Variants in CCDC57 observed in about 807,000 individuals in gnomAD.
The protein encoded by CCDC57 is coiled-coil domain-containing protein 57.
In CCDC57, 118 loss-of-function variants were observed where a neutral mutation model predicts 118.9. That is an observed-to-expected ratio of 0.99 (90% CI 0.86 to 1.16). The LOEUF (loss-of-function observed/expected upper bound fraction) is 1.16, where lower values mean the gene tolerates loss of function less well. CCDC57 is among the 50% of genes most tolerant of loss of function. The pLI is 0.00. For synonymous variants in CCDC57, 527 were observed against 532.9 expected (o/e 0.99, Z 0.15); for missense variants, 1,300 against 1,320.7 (o/e 0.98, Z 0.24).
At chr17:82,119,131 G>A (rs1225677258) in intron 19 of CCDC57, among the ~76,000 whole-genome samples, 2 of 1,688 alleles carry the variant, frequency 1.2e-3, no homozygotes, top group Non-Finnish European at 2.6e-3. Flanking sequence ...CAGGGGTGGG[G>A]GTGGGGGTGG....
chr17:82,146,096 C>A (rs2145680130), intron 16 of CCDC57, among the ~76,000 whole-genome samples: 1 of 152,336 alleles, frequency 6.6e-6, no homozygotes, highest in Non-Finnish European at 1.5e-5. Flanking sequence ...CAGGTGACCC[C>A]TGGGCCACCG....
intron 19 of CCDC57, among the ~76,000 whole-genome samples, chr17:82,120,472 G>A (rs2036529010): frequency 6.6e-6 from 1 of 152,250 alleles, no homozygotes; most frequent in Non-Finnish European, 1.5e-5. Context: ...GTGCACTGGA[G>A]GGCGCAGTGT....
At chr17:82,194,042 T>G in exon 6 of CCDC57, 1 of 1,613,720 alleles carries the variant, frequency 6.2e-7, no homozygotes, top group Non-Finnish European at 8.5e-7. Context: ...GAGCTTCCTC[T>G]CCAGCTCGGC....
At chr17:82,142,460 G>A (rs942750581) in intron 16 of CCDC57, among the ~76,000 whole-genome samples, 7 of 152,050 alleles carry the variant, frequency 4.6e-5, no homozygotes, top group Admixed American at 3.9e-4. Context: ...CTATAGGCGC[G>A]CAACACCAAG....
chr17:82,195,236 T>C, intron 5 of CCDC57, 27 bp downstream of exon 4: 1 of 1,540,242 alleles, frequency 6.5e-7, no homozygotes, highest in Non-Finnish European at 8.8e-7. Flanking sequence ...CGAAAAACCT[T>C]CACGACCCAA....
chr17:82,114,564 G>A (rs1036545047), intron 19 of CCDC57, among the ~76,000 whole-genome samples: 6 of 152,198 alleles, frequency 3.9e-5, no homozygotes, highest in Non-Finnish European at 8.8e-5. Flanking sequence ...GGCGCCCACT[G>A]GCTCCTGAAT....
chr17:82,127,488 C>T, intron 19 of CCDC57: 1 of 985,456 alleles, frequency 1.0e-6, no homozygotes, highest in Non-Finnish European at 1.2e-6. Context: ...ATGGTTTCTG[C>T]CCTTCAGGGC....
intron 2 of CCDC57, among the ~76,000 whole-genome samples, chr17:82,202,370 A>T (rs1313520564): frequency 6.6e-6 from 1 of 151,960 alleles, no homozygotes; most frequent in Non-Finnish European, 1.5e-5. Context: ...CGGGAGGCTG[A>T]GGCAGGAGAA....
chr17:82,187,883 A>G (rs188084329), intron 8 of CCDC57, among the ~76,000 whole-genome samples: 32 of 151,758 alleles, frequency 2.1e-4, no homozygotes, highest in African/African-American at 7.5e-4. Context: ...TCTGGAGATG[A>G]CAGTGGTGAT....
intron 3 of CCDC57, among the ~76,000 whole-genome samples, chr17:82,200,656 G>A (rs894843694): frequency 6.6e-6 from 1 of 152,026 alleles, no homozygotes; most frequent in Non-Finnish European, 1.5e-5. Context: ...AGCCGGGCGT[G>A]GTGGTGGGCA....
intron 19 of CCDC57, among the ~76,000 whole-genome samples, chr17:82,120,437 C>T (rs938336694): frequency 1.3e-5 from 2 of 152,218 alleles, no homozygotes; most frequent in Non-Finnish European, 1.5e-5. Context: ...GAGCGACTGC[C>T]GAGCTGCGCT....
intron 1 of CCDC57, among the ~76,000 whole-genome samples, chr17:82,209,099 C>T (rs966513438): frequency 3.9e-5 from 6 of 152,108 alleles, no homozygotes; most frequent in Admixed American, 3.9e-4. Flanking sequence ...TTTTCACTTC[C>T]TCCACTGACT....
chr17:82,129,282 T>G (rs547066701), intron 17 of CCDC57, among the ~76,000 whole-genome samples: 21 of 152,014 alleles, frequency 1.4e-4, no homozygotes, highest in Admixed American at 3.9e-4. Flanking sequence ...GTCTCCCCCC[T>G]TCTGGAGGGA....
intron 19 of CCDC57, among the ~76,000 whole-genome samples, chr17:82,103,479 C>T (rs1462375281): frequency 6.6e-6 from 1 of 152,228 alleles, no homozygotes. Context: ...CACTCCCTCC[C>T]CCCACCCCCC....
At chr17:82,201,898 C>G in exon 3 of CCDC57, 3 of 1,607,980 alleles carry the variant, frequency 1.9e-6, no homozygotes, top group South Asian at 2.2e-5. Flanking sequence ...CTCCTCCTTG[C>G]GAAGCAGCAG....
chr17:82,101,957 C>T, intron 19 of CCDC57, 91 bp from the exon 19 acceptor site: 1 of 1,273,624 alleles, frequency 7.9e-7, no homozygotes, highest in Non-Finnish European at 1.0e-6. Context: ...TGCAGCACTT[C>T]CGTGTTCCCG....
intron 11 of CCDC57, among the ~76,000 whole-genome samples, chr17:82,177,783 G>A (rs966931426): frequency 3.3e-5 from 5 of 152,156 alleles, no homozygotes; most frequent in African/African-American, 9.7e-5. Flanking sequence ...GGGTGCTTGG[G>A]CACACTTACA....
Position 82,194,147 on chromosome 17 carries a change from T to C in CCDC57, c.619-8A>G. ...TTTGTGCAGTAGTTTAACCTTTGAA[T>C]GATAAAAATGAGTTCAAAATGAGGT... On this transcript the variant is annotated splice_polypyrimidine_tract_variant and splice_region_variant and intron_variant, in intron 5 of 19. Coordinates refer to ENST00000665763, the Ensembl canonical transcript of CCDC57. 6.2e-7 allele frequency: 1 copy of C among 1,607,164 alleles called. No individual in the cohort carries two copies. The highest frequency in any genetic ancestry group is 8.5e-7 in the Non-Finnish European group (1 of 1,175,012).
intron 7 of CCDC57, 122 bp downstream of exon 6, chr17:82,193,634 T>A: frequency 4.1e-6 from 3 of 729,296 alleles, no homozygotes; most frequent in Non-Finnish European, 4.6e-6. Context: ...AACAGCGGGC[T>A]CCCAGGTCCG....
Sources: gnomAD v4.1 joint callset for allele counts (sites outside exome capture counted in the v4.1 genomes callset) on GRCh38, gnomAD v4.1.1 for gene constraint, MANE v1.5 for transcripts, NCBI Gene and HGNC (gene_info 2026-07-23, HGNC 2026-07-21) for gene names.